PLCG2: variants seen among roughly 807,000 people sequenced by gnomAD.
PLCG2 encodes 1-phosphatidylinositol 4,5-bisphosphate phosphodiesterase gamma-2.
PLCG2 carries 69 observed loss-of-function variants against 175.6 expected under a neutral mutation model. That is an observed-to-expected ratio of 0.39 (90% CI 0.32 to 0.48). The LOEUF is 0.48. PLCG2 is among the 20% of genes least tolerant of loss of function. PLCG2 has a pLI of 0.91. For missense variants in PLCG2, 1,798 were observed against 1,650.9 expected (o/e 1.09, Z -1.54); for synonymous variants, 827 against 624.0 (o/e 1.33, Z -4.85).
intron 2 of PLCG2, among the ~76,000 whole-genome samples, chr16:81,836,591 G>C (rs1312741785): frequency 6.6e-6 from 1 of 152,080 alleles, no homozygotes; most frequent in Non-Finnish European, 1.5e-5. Flanking sequence ...AAATACAAAA[G>C]TTAGCCGGGC....
chr16:81,928,661 C>G, intron 24 of PLCG2, 37 bp downstream of exon 24: 1 of 1,437,612 alleles, frequency 7.0e-7, no homozygotes. Context: ...GATTTCCACC[C>G]CTATCCCCCA....
upstream of PLCG2, among the ~76,000 whole-genome samples, chr16:81,778,851 G>A (rs1359034139): frequency 2.0e-5 from 3 of 152,090 alleles, no homozygotes; most frequent in East Asian, 5.8e-4. Context: ...GTGTCTCTCG[G>A]CCACACCCAT....
chr16:81,854,999 C>G (rs1906610473), intron 3 of PLCG2, among the ~76,000 whole-genome samples: 1 of 151,952 alleles, frequency 6.6e-6, no homozygotes, highest in South Asian at 2.1e-4. Context: ...CACTTGAGGT[C>G]AGGAGTTTGA....
rs1186254285 is a variant in PLCG2, at chr16:81,941,031, G to A, written c.3481+972G>A. Among the ~76,000 whole-genome samples the A allele has an allele frequency of 2.0e-5, 3 of 152,186 alleles. No individual in the cohort carries two copies. The East Asian group carries it at 5.8e-4, about 29-fold the overall frequency. ...GAGGATCATTTTTCAAGAGAAAGAT[G>A]ACTGTCATTTTAGTTACTTACATAA... On this transcript the variant is annotated intron_variant, in intron 30 of 32. Transcript: ENST00000564138.
chr16:81,953,205 A>G (rs1157459759), intron 31 of PLCG2, among the ~76,000 whole-genome samples: 1 of 152,248 alleles, frequency 6.6e-6, no homozygotes, highest in Non-Finnish European at 1.5e-5. Context: ...ACAATGACTA[A>G]AGGTTCTGTG....
intron 20 of PLCG2, 116 bp downstream of exon 20, chr16:81,919,780 G>T (rs1053610120): frequency 1.1e-5 from 9 of 788,130 alleles, no homozygotes; most frequent in Non-Finnish European, 1.8e-5. Flanking sequence ...ACTGCTGTAG[G>T]TCCTGGGGAT....
intron 7 of PLCG2, among the ~76,000 whole-genome samples, chr16:81,871,897 T>C (rs4997769): frequency 0.55 from 82,830 of 151,718 alleles, 23,325 homozygotes; most frequent in Middle Eastern, 0.62. Context: ...TCTATCCATA[T>C]TATGTGACAT....
chr16:81,751,636 A>C (rs1909814216), intron 1 of PLCG2, among the ~76,000 whole-genome samples: 1 of 152,234 alleles, frequency 6.6e-6, no homozygotes, highest in Non-Finnish European at 1.5e-5. Context: ...TCATCACAAA[A>C]AAGTTAAGTG....
intron 13 of PLCG2, among the ~76,000 whole-genome samples, chr16:81,899,119 G>A (rs1909025498): frequency 6.6e-6 from 1 of 152,058 alleles, no homozygotes; most frequent in African/African-American, 2.4e-5. Context: ...AACTTGGGAG[G>A]CGGAGGTTGC....
chr16:81,848,079 A>G (rs1906215951), intron 2 of PLCG2, among the ~76,000 whole-genome samples: 2 of 152,254 alleles, frequency 1.3e-5, no homozygotes, highest in Admixed American at 1.3e-4. Context: ...GAGGACTGCA[A>G]GACTTACTCT....
Position 81,958,190 on chromosome 16 carries a change from A to G in PLCG2, c.*192A>G. ...TTTCCTATTATTTTCATCTTGGACAACTTTCTTAACTTATATTCTTTATAG... is the reference window on the plus strand; with the variant it reads ...TTTCCTATTATTTTCATCTTGGACAGCTTTCTTAACTTATATTCTTTATAG... On this transcript the variant is annotated 3_prime_UTR_variant, in exon 33 of 33. Coordinates refer to ENST00000564138, the MANE Select transcript of PLCG2 (RefSeq NM_002661.5). The G allele has an allele frequency of 1.7e-6, 1 of 596,182 alleles. No homozygotes were observed. Among genetic ancestry groups the G allele is most frequent in the East Asian group, 2.8e-5 (1 of 35,622 alleles). The allele number at this position is 596,182 out of a possible 1,614,324, so 36.9% of individuals were successfully genotyped here. A position where few individuals can be genotyped will look rare whatever the true frequency, so the allele number is the denominator to read the frequency against.
intron 7 of PLCG2, among the ~76,000 whole-genome samples, chr16:81,874,880 A>C (rs1433769192): frequency 3.3e-5 from 5 of 151,512 alleles, no homozygotes; most frequent in Non-Finnish European, 7.4e-5. Context: ...CTGTAATAAC[A>C]GTATCATTAA....
chr16:81,960,267 G>C lies in PLCG2; in HGVS notation c.*2269G>C. ...ACATGGTATGATGGCTCTTCCCAGA[G>C]TCTATGTGATGCTACATAACTTCAG... On this transcript the variant is annotated 3_prime_UTR_variant, in exon 33 of 33. Coordinates refer to ENST00000564138, the MANE Select transcript of PLCG2 (RefSeq NM_002661.5). 4.5e-6 allele frequency: 1 copy of C among 221,088 alleles called. No individual in the cohort carries two copies. The highest frequency in any genetic ancestry group is 9.1e-6 in the Non-Finnish European group (1 of 110,462). 13.7% of individuals were successfully genotyped at this position (221,088 alleles called of 1,614,324 possible).
intron 7 of PLCG2, among the ~76,000 whole-genome samples, chr16:81,877,050 G>T (rs575511517): frequency 6.6e-6 from 1 of 152,232 alleles, no homozygotes; most frequent in African/African-American, 2.4e-5. Context: ...TTTACTACCT[G>T]ATGGGATCAG....
chr16:81,925,628 C>A (rs899556751), intron 22 of PLCG2, among the ~76,000 whole-genome samples: 1 of 152,218 alleles, frequency 6.6e-6, no homozygotes, highest in African/African-American at 2.4e-5. Context: ...TGACTTGCGC[C>A]TGTAATCCCA....
Position 81,783,068 on chromosome 16 carries a change from C to A in PLCG2, c.-47-2875C>A, listed in dbSNP as rs190496363. ...ACCCTGGGGAAGGTTAAGTCCAAGG[C>A]CCTCCCAGAGTGAGGGCTGGAAAGA... On this transcript the variant is annotated intron_variant, in intron 1 of 32. Coordinates refer to ENST00000564138, the MANE Select transcript of PLCG2 (RefSeq NM_002661.5). 149 of 460,226 alleles carry A rather than the reference C, an allele frequency of 3.2e-4. 1 individual carries two copies. The highest frequency in any genetic ancestry group is 1.9e-3 in the African/African-American group (96 of 50,350). 28.5% of individuals were successfully genotyped at this position (460,226 alleles called of 1,614,324 possible). A position where few individuals can be genotyped will look rare whatever the true frequency, so the allele number is the denominator to read the frequency against.
rs556981298 is a variant in PLCG2 at position 81,958,702 on chromosome 16, G to A, written c.*704G>A. On this transcript the variant is annotated 3_prime_UTR_variant, in exon 33 of 33. Coordinates refer to ENST00000564138, the MANE Select transcript of PLCG2 (RefSeq NM_002661.5). ...AAAGCCCATCAGAGAGACCAGAGCC[G>A]TGCTGCAGGGGCAGGTTCTCACTTG... The A allele has an allele frequency of 7.7e-5, 17 of 221,338 alleles. No homozygotes were observed. In the South Asian group the frequency reaches 9.2e-4, roughly 12 times the overall value. The allele number at this position is 221,338 out of a possible 1,614,324, so 13.7% of individuals were successfully genotyped here.
chr16:81,889,601 A>G (rs1343677874), intron 10 of PLCG2, among the ~76,000 whole-genome samples: 1 of 152,002 alleles, frequency 6.6e-6, no homozygotes, highest in East Asian at 1.9e-4. Flanking sequence ...TATTACTCAA[A>G]TCATCCTCCC....
intron 1 of PLCG2, among the ~76,000 whole-genome samples, chr16:81,743,215 G>A (rs1257052462): frequency 6.6e-6 from 1 of 152,202 alleles, no homozygotes; most frequent in Non-Finnish European, 1.5e-5. Context: ...GCTGGGCATG[G>A]TGGTGCACAC....
Sources: allele counts gnomAD v4.1 joint callset (sites outside exome capture counted in the v4.1 genomes callset), GRCh38; gene constraint gnomAD v4.1.1; transcripts MANE v1.5; gene names NCBI Gene and HGNC (gene_info 2026-07-23, HGNC 2026-07-21).